The following MILR1 variants were observed in gnomAD, a reference collection of about 807,000 sequenced individuals.
MILR1 encodes the protein allergin-1.
MILR1 carries 31 observed loss-of-function variants against 18.5 expected under a neutral mutation model. That is an observed-to-expected ratio of 1.68 (90% confidence interval 1.26 to 2.26). The LOEUF is 2.26. MILR1 is among the 30% of genes most tolerant of loss of function. MILR1 has a pLI of 0.00. For missense variants in MILR1, 257 were observed against 157.4 expected (o/e 1.63, Z -3.38); for synonymous variants, 85 against 56.2 (o/e 1.51, Z -2.30).
At chr17:64,495,268 A>G in the MILR1 span, among the ~76,000 whole-genome samples, 1 of 151,862 alleles carries the variant, frequency 6.6e-6, no homozygotes, top group Admixed American at 6.6e-5. Flanking sequence ...AAACGAAGAA[A>G]GTTAGGAAAT....
At position 64,467,666 on chromosome 17, in the gene MILR1, C is replaced by T. The variant is rs1178634069; in HGVS notation, c.*28+21C>T. 2.7e-6 allele frequency: 4 copies of T among 1,461,882 alleles called. No homozygotes were observed. In the African/African-American group the frequency reaches 5.6e-5, roughly 21 times the overall value. 90.6% of individuals were successfully genotyped at this position (1,461,882 alleles called of 1,614,324 possible). A position where few individuals can be genotyped will look rare whatever the true frequency, so the allele number is the denominator to read the frequency against. On this transcript the variant is annotated intron_variant, in intron 9 of 9. Coordinates refer to ENST00000619286, the MANE Select transcript of MILR1 (RefSeq NM_001085423.2). ...TCAGGGTAAGATGCTTTTTATGAAG[C>T]TGATTTCCATGAACAAAAAGCAAAC...
the MILR1 span, among the ~76,000 whole-genome samples, chr17:64,478,450 A>G: frequency 3.0e-3 from 462 of 152,352 alleles, 2 homozygotes; most frequent in African/African-American, 0.011. Flanking sequence ...TAGTTCAGCA[A>G]TAACCAAACA....
At chr17:64,484,388 T>C in the MILR1 span, among the ~76,000 whole-genome samples, 1 of 152,128 alleles carries the variant, frequency 6.6e-6, no homozygotes, top group African/African-American at 2.4e-5. Context: ...TCCAGCATGT[T>C]CTAGAAATAG....
chr17:64,463,806 A>T, intron 5 of MILR1, among the ~76,000 whole-genome samples: 1 of 143,728 alleles, frequency 7.0e-6, no homozygotes, highest in African/African-American at 2.6e-5. Context: ...ATGCACCACA[A>T]CTCCTGGCTA....
intron 5 of MILR1, among the ~76,000 whole-genome samples, chr17:64,464,072 G>A (rs957349647): frequency 4.6e-5 from 7 of 150,694 alleles, no homozygotes; most frequent in East Asian, 2.0e-4. Flanking sequence ...TCCGCCCACC[G>A]CGGCCTCCCA....
chr17:64,485,208 T>G, the MILR1 span: 2 of 157,612 alleles, frequency 1.3e-5, no homozygotes, highest in Non-Finnish European at 2.8e-5. Flanking sequence ...CTCCTATAAC[T>G]TCAACTTCTC....
rs782523103 is a variant in MILR1, at chr17:64,465,516, T to C, written c.828T>C (p.Tyr276=). ...RGDTAMEVGI[Y]ANILEKQAKE... is the part of the protein sequence containing the mutation. Reference sequence around the variant, plus strand: ...ACACAGCCATGGAAGTTGGAATCTATGCAAATATCCTTGAAAAACAAGCAA... The same window carrying C: ...ACACAGCCATGGAAGTTGGAATCTACGCAAATATCCTTGAAAAACAAGCAA... The change falls in exon 6 of 10, where the codon TAT becomes TAC. Residue 276 remains tyrosine (Y), a synonymous_variant. Coordinates refer to ENST00000619286, the MANE Select transcript of MILR1 (RefSeq NM_001085423.2). 1 of 1,610,096 alleles carries C rather than the reference T, an allele frequency of 6.2e-7. No homozygotes were observed. The highest frequency in any genetic ancestry group is 8.5e-7 in the Non-Finnish European group (1 of 1,178,346).
At chr17:64,455,802 G>A (rs1435464288) in intron 3 of MILR1, among the ~76,000 whole-genome samples, 1 of 151,864 alleles carries the variant, frequency 6.6e-6, no homozygotes, top group South Asian at 2.1e-4. Context: ...ACTTTGGGAG[G>A]TTGAGTGGGG....
the MILR1 span, chr17:64,486,979 C>A: frequency 6.6e-6 from 1 of 152,102 alleles, no homozygotes; most frequent in African/African-American, 2.4e-5. Flanking sequence ...TGGATAAAAA[C>A]AGTTCCACTT....
chr17:64,466,413 C>G (rs373932261), intron 6 of MILR1, 29 bp from the exon 7 acceptor site: 2 of 1,606,486 alleles, frequency 1.2e-6, no homozygotes, highest in East Asian at 2.2e-5. Flanking sequence ...CGCCACCAAC[C>G]CCCAATTTAT....
the MILR1 span, among the ~76,000 whole-genome samples, chr17:64,495,369 C>G: frequency 6.6e-6 from 1 of 152,046 alleles, no homozygotes; most frequent in Admixed American, 6.6e-5. Flanking sequence ...TGCTTAAGCT[C>G]AGGAGTTCAA....
intron 2 of MILR1, among the ~76,000 whole-genome samples, chr17:64,452,093 T>TTG (rs2037186651): frequency 6.6e-6 from 1 of 151,142 alleles, no homozygotes; most frequent in Non-Finnish European, 1.5e-5. Context: ...TTTTTTTTTT[T>TTG]TTTTGTTCTG....
At chr17:64,475,284 A>G in the MILR1 span, among the ~76,000 whole-genome samples, 1 of 152,304 alleles carries the variant, frequency 6.6e-6, no homozygotes, top group Non-Finnish European at 1.5e-5. Context: ...TAAATAATCC[A>G]GCATTTATCC....
the MILR1 span, chr17:64,483,859 C>T: frequency 0.1 from 15,409 of 152,200 alleles, 1,849 homozygotes; most frequent in African/African-American, 0.29. Context: ...TACAGGTGCA[C>T]GCCACCACGC....
chr17:64,456,325 T>C (rs1016099102), intron 3 of MILR1, among the ~76,000 whole-genome samples: 30 of 152,070 alleles, frequency 2.0e-4, no homozygotes, highest in Admixed American at 6.5e-5. Context: ...TATATATATA[T>C]ATAATAAAAT....
chr17:64,477,781 C>T, the MILR1 span: 1 of 1,511,886 alleles, frequency 6.6e-7, no homozygotes, highest in South Asian at 1.3e-5. Flanking sequence ...ATAAGACAAC[C>T]AAATTAGGAG....
chr17:64,485,808 G>A, the MILR1 span: 15 of 1,611,942 alleles, frequency 9.3e-6, no homozygotes, highest in Admixed American at 1.7e-5. Flanking sequence ...AGCATGCCTC[G>A]GTCTAGGTCC....
the MILR1 span, among the ~76,000 whole-genome samples, chr17:64,487,791 C>T: frequency 6.6e-6 from 1 of 152,062 alleles, no homozygotes; most frequent in Non-Finnish European, 1.5e-5. Context: ...CACTTGAGCC[C>T]AGGAGTTTGA....
the MILR1 span, chr17:64,490,913 C>T: frequency 5.0e-6 from 8 of 1,613,968 alleles, no homozygotes; most frequent in South Asian, 5.5e-5. Flanking sequence ...TGTTTCCTTT[C>T]CGGCCTTCTT....
Sources: gnomAD v4.1 joint callset for allele counts (sites outside exome capture counted in the v4.1 genomes callset) on GRCh38, gnomAD v4.1.1 for gene constraint, MANE v1.5 for transcripts, NCBI Gene and HGNC (gene_info 2026-07-23, HGNC 2026-07-21) for gene names.